The following DENND4C variants were observed in gnomAD, a reference collection of about 807,000 sequenced individuals.
DENND4C encodes the protein DENN domain containing 4C.
A neutral mutation model predicts 203.0 loss-of-function variants in DENND4C; 108 were observed. That is an observed-to-expected ratio of 0.53 (90% CI 0.46 to 0.62). The LOEUF (loss-of-function observed/expected upper bound fraction) is 0.62. Ranked by LOEUF, DENND4C falls within the 20% of genes least tolerant of loss-of-function variation. The pLI, the probability that DENND4C is intolerant of heterozygous loss-of-function variation, is 0.00. For synonymous variants in DENND4C, 871 were observed against 792.4 expected, an observed-to-expected ratio of 1.10 and a Z score of -1.67; for missense variants, 2,481 against 2,301.2, an observed-to-expected ratio of 1.08 and a Z score of -1.60.
intron 1 of DENND4C, among the ~76,000 whole-genome samples, chr9:19,243,002 C>A (rs1274765192): frequency 6.6e-6 from 1 of 152,002 alleles, no homozygotes; most frequent in Non-Finnish European, 1.5e-5. Context: ...AATTTACACA[C>A]CATAAAATTC....
At chr9:19,238,374 G>A (rs1425633230) in intron 1 of DENND4C, among the ~76,000 whole-genome samples, 4 of 151,484 alleles carry the variant, frequency 2.6e-5, no homozygotes, top group African/African-American at 7.3e-5. Flanking sequence ...GAGCCACTGC[G>A]CCCAGCCTCT....
intron 9 of DENND4C, among the ~76,000 whole-genome samples, chr9:19,304,486 T>C (rs1839247241): frequency 6.7e-6 from 1 of 148,798 alleles, no homozygotes; most frequent in African/African-American, 2.5e-5. Flanking sequence ...GCCCAGCCAA[T>C]TGACAGTATT....
At chr9:19,238,265 A>G (rs1564073946) in intron 1 of DENND4C, among the ~76,000 whole-genome samples, 1 of 151,374 alleles carries the variant, frequency 6.6e-6, no homozygotes, top group East Asian at 2.0e-4. Flanking sequence ...TATTTTTAGT[A>G]GAGACAGTGT....
chr9:19,367,379 A>G (rs933420257), intron 30 of DENND4C, among the ~76,000 whole-genome samples: 3 of 152,240 alleles, frequency 2.0e-5, no homozygotes, highest in Non-Finnish European at 2.9e-5. Flanking sequence ...GAAAACTTGC[A>G]CATGAATGTT....
chr9:19,316,703 G>C lies in DENND4C; in HGVS notation c.1671G>C (p.Gln557His). 1 of 1,614,062 alleles carries C rather than the reference G, an allele frequency of 6.2e-7. No homozygotes were observed. The highest frequency in any genetic ancestry group is 1.1e-5 in the South Asian group (1 of 91,078). ...ADFSWQKKMTQLEMEIQEAFL... is the reference protein window; with the variant it reads ...ADFSWQKKMTHLEMEIQEAFL... ...TCTCCTGGCAAAAGAAGATGACACA[G>C]CTTGAGATGGAAATTCAAGAGGCAT... Residue 557 changes from glutamine (Q) to histidine (H), a missense_variant, in exon 12 of 33, where the codon CAG becomes CAC. Transcript: ENST00000434457.
At chr9:19,331,235 G>C (rs2490471) in intron 16 of DENND4C, among the ~76,000 whole-genome samples, 1 of 147,506 alleles carries the variant, frequency 6.8e-6, no homozygotes, top group East Asian at 2.0e-4. Context: ...ATGGAGTATC[G>C]CTCTGTCGCC....
chr9:19,316,833 C>T lies in DENND4C; in HGVS notation c.1801C>T (p.Arg601Ter), dbSNP rs1294423472. 4 of 1,611,684 alleles carry T rather than the reference C, an allele frequency of 2.5e-6. No homozygotes were observed. The highest frequency in any genetic ancestry group is 1.7e-5 in the Admixed American group (1 of 59,710). The change falls in exon 12 of 33, where the codon CGA (arginine) becomes TGA (stop). Residue 601 changes from arginine (R) to a stop codon, truncating the protein, a stop_gained. Transcript: ENST00000434457. LOFTEE classifies it high-confidence loss of function. ...CACAGCTGCTGATTCATTGTTTGAC[C>T]GACAGGGTGAGTAGCATTGAAAGTA... ...KATAADSLFD[R>*]QGFLKSRDRA...
chr9:19,356,555 A>T (rs985161686), intron 26 of DENND4C, among the ~76,000 whole-genome samples: 1 of 152,190 alleles, frequency 6.6e-6, no homozygotes, highest in Admixed American at 6.5e-5. Context: ...GATAAAAGAC[A>T]TTATAAGTAA....
intron 10 of DENND4C, among the ~76,000 whole-genome samples, chr9:19,307,393 CAA>C (rs753710246): frequency 3.3e-4 from 19 of 58,410 alleles, no homozygotes; most frequent in Admixed American, 4.1e-4. Flanking sequence ...GACTCTGTCT[CAA>C]AAAAAAAAAA....
intron 10 of DENND4C, among the ~76,000 whole-genome samples, chr9:19,309,971 G>C (rs1449564124): frequency 6.6e-6 from 1 of 151,982 alleles, no homozygotes; most frequent in Non-Finnish European, 1.5e-5. Context: ...ATTTTTTGGT[G>C]AACTTTGTGT....
At chr9:19,247,939 A>G (rs1404036889) in intron 1 of DENND4C, among the ~76,000 whole-genome samples, 1 of 152,158 alleles carries the variant, frequency 6.6e-6, no homozygotes, top group Non-Finnish European at 1.5e-5. Flanking sequence ...CCCCAATATT[A>G]TAATTTCTTG....
At chr9:19,337,465 A>T (rs140280119) in intron 20 of DENND4C, 10 of 289,280 alleles carry the variant, frequency 3.5e-5, no homozygotes, top group Non-Finnish European at 3.5e-5. Flanking sequence ...TTCTGGGTCT[A>T]ATTCCTGTGC....
Position 19,325,984 on chromosome 9 carries a change from T to C in DENND4C, c.1989+10T>C. On this transcript the variant is annotated intron_variant, in intron 14 of 32. Transcript: ENST00000434457. ...AGAGAAAACAGATAAGGTATGTTTT[T>C]CTTAGATTTTAAGGGTTGAAATTTC... 1 of 1,609,274 alleles carries C rather than the reference T, an allele frequency of 6.2e-7. No individual in the cohort carries two copies. The highest frequency in any genetic ancestry group is 8.5e-7 in the Non-Finnish European group (1 of 1,178,410).
intron 4 of DENND4C, among the ~76,000 whole-genome samples, chr9:19,290,401 C>T (rs929339222): frequency 1.3e-5 from 2 of 152,262 alleles, no homozygotes; most frequent in South Asian, 4.1e-4. Flanking sequence ...TTACCATTTT[C>T]CACAAGGTGT....
chr9:19,355,054 C>T (rs947337228), intron 26 of DENND4C, among the ~76,000 whole-genome samples: 11 of 151,622 alleles, frequency 7.3e-5, no homozygotes, highest in African/African-American at 2.4e-4. Flanking sequence ...GGACTACAGG[C>T]ACCCACCACC....
In DENND4C at chr9:19,309,863, C is replaced by T. The variant is rs938850968; in HGVS notation, c.1487+4336C>T. ...TTAATATATATTGTATTTATAGATT[C>T]GTTTGGAGGCAGATGATACCTTTTT... On this transcript the variant is annotated intron_variant, in intron 10 of 32. Coordinates refer to ENST00000434457, the MANE Select transcript of DENND4C (RefSeq NM_001330640.2). Among the ~76,000 whole-genome samples, 26 of 151,834 alleles carry T rather than the reference C, an allele frequency of 1.7e-4. 2 individuals are homozygous for T. The highest frequency in any genetic ancestry group is 4.6e-4 in the Admixed American group (7 of 15,228).
intron 29 of DENND4C, among the ~76,000 whole-genome samples, chr9:19,361,160 G>C (rs941799172): frequency 6.6e-6 from 1 of 152,182 alleles, no homozygotes; most frequent in African/African-American, 2.4e-5. Flanking sequence ...ACTGTGCCCG[G>C]CTGGTAGCTA....
rs1829009661 is a variant in DENND4C, at chr9:19,372,499, A to G, written c.*326A>G. On this transcript the variant is annotated 3_prime_UTR_variant, in exon 33 of 33. Coordinates refer to ENST00000434457, the MANE Select transcript of DENND4C (RefSeq NM_001330640.2). ...ACCATATTCATTCTAGGCATTGTTTATATTTGAAGTTACTGAGTTTGAGGA... is the reference window on the plus strand; with the variant it reads ...ACCATATTCATTCTAGGCATTGTTTGTATTTGAAGTTACTGAGTTTGAGGA... 1 of 194,422 alleles carries G rather than the reference A, an allele frequency of 5.1e-6. No individual in the cohort carries two copies. The highest frequency in any genetic ancestry group is 5.8e-5 in the Admixed American group (1 of 17,246). The allele number at this position is 194,422 out of a possible 1,614,324, so 12.0% of individuals were successfully genotyped here. A position where few individuals can be genotyped will look rare whatever the true frequency, so the allele number is the denominator to read the frequency against.
chr9:19,351,891 C>T (rs527274797), intron 24 of DENND4C, among the ~76,000 whole-genome samples, 182 bp from the exon 25 acceptor site: 1 of 152,152 alleles, frequency 6.6e-6, no homozygotes, highest in East Asian at 1.9e-4. Flanking sequence ...GTATTTTCCA[C>T]CTAGATTTAA....
Sources: gnomAD v4.1 joint callset for allele counts (sites outside exome capture counted in the v4.1 genomes callset) on GRCh38, gnomAD v4.1.1 for gene constraint, MANE v1.5 for transcripts, NCBI Gene and HGNC (gene_info 2026-07-23, HGNC 2026-07-21) for gene names.